PSEN1: variants seen among roughly 807,000 people sequenced by gnomAD.
PSEN1 encodes presenilin 1, also known as presenilin-1.
A neutral mutation model predicts 53.5 loss-of-function variants in PSEN1; 15 were observed. The ratio of observed to expected loss-of-function variants is 0.28; its 90% CI spans 0.19 to 0.43. The LOEUF (loss-of-function observed/expected upper bound fraction) is 0.43. Among genes scored for constraint, PSEN1 ranks in the 20% least tolerant of loss-of-function variants. PSEN1 has a pLI of 1.00. For missense variants in PSEN1, 387 were observed against 571.2 expected, an observed-to-expected ratio of 0.68 and a Z score of 3.29; for synonymous variants, 208 against 209.8, an observed-to-expected ratio of 0.99 and a Z score of 0.08.
At position 73,179,542 on chromosome 14, in the gene PSEN1, G is replaced by A. The variant is rs554039014; in HGVS notation, c.480+5835G>A. On this transcript the variant is annotated intron_variant, in intron 5 of 11. Transcript: ENST00000324501. ...TGAGGCAGGAGTATTGCTTGAACCC[G>A]GGAGGCAGAGGTTGCAGTGAGCCAA... is the stretch of plus-strand genomic sequence containing the variant. Among the ~76,000 whole-genome samples, 9 of 152,204 alleles carry A rather than the reference G, an allele frequency of 5.9e-5. 1 individual carries two copies. In the South Asian group the frequency reaches 1.7e-3, roughly 28 times the overall value.
At chr14:73,175,498 T>G (rs1473170152) in intron 5 of PSEN1, among the ~76,000 whole-genome samples, 1 of 152,142 alleles carries the variant, frequency 6.6e-6, no homozygotes, top group Non-Finnish European at 1.5e-5. Context: ...AAAAATTAAC[T>G]TTCCAAATGT....
In PSEN1 at chr14:73,220,314, A is replaced by G. The variant is rs200836785; in HGVS notation, c.*1025A>G. On this transcript the variant is annotated 3_prime_UTR_variant, in exon 12 of 12. Coordinates refer to ENST00000324501, the MANE Select transcript of PSEN1 (RefSeq NM_000021.4). ...GAATGTGTTATGAATCGGTGCTGTC[A>G]GCCCTGCTGTCAGACCTTCTTCCAC... 6.6e-6 allele frequency: 1 copy of G among 152,638 alleles called. No individual in the cohort carries two copies. The highest frequency in any genetic ancestry group is 1.5e-5 in the Non-Finnish European group (1 of 68,050). The allele number at this position is 152,638 out of a possible 1,614,324, so 9.5% of individuals were successfully genotyped here.
At chr14:73,188,331 A>G (rs1898591057) in intron 6 of PSEN1, among the ~76,000 whole-genome samples, 1 of 152,196 alleles carries the variant, frequency 6.6e-6, no homozygotes, top group Admixed American at 6.5e-5. Flanking sequence ...GGCATTTGAT[A>G]AGATTCCTGT....
chr14:73,178,650 C>T (rs2140055210), intron 5 of PSEN1, among the ~76,000 whole-genome samples: 1 of 152,250 alleles, frequency 6.6e-6, no homozygotes, highest in South Asian at 2.1e-4. Flanking sequence ...TAAACCTATT[C>T]AGTAAAATGT....
intron 6 of PSEN1, among the ~76,000 whole-genome samples, chr14:73,188,176 C>G (rs944420872): frequency 1.3e-5 from 2 of 150,484 alleles, no homozygotes; most frequent in South Asian, 2.1e-4. Context: ...ATCCGCCCGC[C>G]TTGGCCTCCC....
At chr14:73,144,506 G>A (rs916164078) in intron 1 of PSEN1, among the ~76,000 whole-genome samples, 5 of 152,104 alleles carry the variant, frequency 3.3e-5, no homozygotes, top group South Asian at 2.1e-4. Flanking sequence ...TCAAAATACC[G>A]TAATCCTCAT....
intron 1 of PSEN1, among the ~76,000 whole-genome samples, chr14:73,138,551 C>A (rs901360283): frequency 6.6e-6 from 1 of 151,462 alleles, no homozygotes; most frequent in Non-Finnish European, 1.5e-5. Context: ...GGGAGCCTCA[C>A]TATGTTGCCC....
intron 11 of PSEN1, among the ~76,000 whole-genome samples, chr14:73,218,722 AT>A (rs1466256269): frequency 1.3e-5 from 2 of 150,192 alleles, no homozygotes; most frequent in African/African-American, 4.9e-5. Context: ...AGCATAGAGA[AT>A]GCCCCCGCAC....
intron 10 of PSEN1, 32 bp from the exon 11 acceptor site, chr14:73,217,092 CAA>C (rs2140145094): frequency 6.2e-7 from 1 of 1,612,374 alleles, no homozygotes; most frequent in East Asian, 2.2e-5. Context: ...AAAGAGTGAC[CAA>C]CTTTTTAATA....
intron 7 of PSEN1, among the ~76,000 whole-genome samples, chr14:73,197,438 G>A (rs1051041509): frequency 1.3e-5 from 2 of 152,050 alleles, no homozygotes; most frequent in Admixed American, 6.6e-5. Context: ...ACTTTATCTC[G>A]CAAAGAGTTA....
rs1258906393 is a variant in PSEN1, at chr14:73,192,753, C to G, written c.658C>G (p.Arg220Gly). 2 of 1,613,704 alleles carry G rather than the reference C, an allele frequency of 1.2e-6. No individual in the cohort carries two copies. Among genetic ancestry groups the G allele is most frequent in the Non-Finnish European group, 1.7e-6 (2 of 1,179,812 alleles). Residue 220 changes from arginine to glycine, a missense_variant, in exon 7 of 12, where the codon CGA becomes GGA. This residue lies in a region of PSEN1 where 169 missense variants were observed against 299.7 expected (regional missense o/e 0.56). Transcript: ENST00000324501. ...TTCCATTCACTGGAAAGGTCCACTT[C>G]GACTCCAGCAGGCATATCTCATTAT... is the stretch of plus-strand genomic sequence containing the variant. ...MISIHWKGPL[R>G]LQQAYLIMIS...
intron 6 of PSEN1, among the ~76,000 whole-genome samples, chr14:73,189,041 T>C (rs977367708): frequency 6.6e-6 from 1 of 152,068 alleles, no homozygotes; most frequent in East Asian, 1.9e-4. Context: ...TCCACCTGCC[T>C]CCGCCTCCCA....
intron 5 of PSEN1, among the ~76,000 whole-genome samples, chr14:73,184,872 G>C: frequency 7.0e-6 from 1 of 143,552 alleles, no homozygotes; most frequent in Admixed American, 6.9e-5. Flanking sequence ...GGGCGGAGGG[G>C]CTCCTCACTT....
Position 73,175,586 on chromosome 14 carries a change from G to A in PSEN1, c.480+1879G>A, listed in dbSNP as rs372871130. Among the ~76,000 whole-genome samples the A allele has an allele frequency of 1.2e-3, 176 of 151,900 alleles. 1 individual carries two copies. Among genetic ancestry groups the A allele is most frequent in the African/African-American group, 4.2e-3 (173 of 41,426 alleles). Reference sequence around the variant, plus strand: ...TGGTTAAAATGTGTAATCAATATGTGTCCTTTTACTTTGGTGTGAACATTT... The same window carrying A: ...TGGTTAAAATGTGTAATCAATATGTATCCTTTTACTTTGGTGTGAACATTT... On this transcript the variant is annotated intron_variant, in intron 5 of 11. Coordinates refer to ENST00000324501, the MANE Select transcript of PSEN1 (RefSeq NM_000021.4).
intron 3 of PSEN1, chr14:73,168,553 C>T (rs559988409): frequency 2.6e-5 from 4 of 152,226 alleles, no homozygotes; most frequent in East Asian, 1.9e-4. Flanking sequence ...ATGGATGGGA[C>T]GTGGCTAACT....
intron 9 of PSEN1, among the ~76,000 whole-genome samples, chr14:73,209,386 A>G (rs911229522): frequency 6.6e-6 from 1 of 152,256 alleles, no homozygotes; most frequent in Non-Finnish European, 1.5e-5. Flanking sequence ...AAGAATTGCC[A>G]CAAGCCTGGC....
intron 8 of PSEN1, among the ~76,000 whole-genome samples, chr14:73,204,488 G>A (rs1429280777): frequency 6.7e-6 from 1 of 148,754 alleles, no homozygotes; most frequent in Admixed American, 6.7e-5. Context: ...CCCATGGCTT[G>A]TTTTTGTACA....
intron 10 of PSEN1, among the ~76,000 whole-genome samples, chr14:73,216,481 C>G (rs995161202): frequency 6.6e-6 from 1 of 152,132 alleles, no homozygotes; most frequent in Non-Finnish European, 1.5e-5. Context: ...AGATGATAGG[C>G]CATGTGTGGT....
At chr14:73,199,059 G>A (rs1308677927) in intron 8 of PSEN1, among the ~76,000 whole-genome samples, 1 of 152,176 alleles carries the variant, frequency 6.6e-6, no homozygotes, top group Non-Finnish European at 1.5e-5. Flanking sequence ...ACAGGTGTGA[G>A]CTACCACGCC....
Sources: allele counts gnomAD v4.1 joint callset (sites outside exome capture counted in the v4.1 genomes callset), GRCh38; gene constraint gnomAD v4.1.1; regional missense constraint gnomAD v4.1.1; transcripts MANE v1.5; gene names NCBI Gene and HGNC (gene_info 2026-07-23, HGNC 2026-07-21).